Variants in KRT15 observed in about 807,000 individuals in gnomAD.
The protein encoded by KRT15 is keratin 15.
Under a neutral mutation model 46.6 loss-of-function variants are expected in KRT15, and 45 were observed. The ratio of observed to expected loss-of-function variants is 0.97; its 90% CI spans 0.76 to 1.24. KRT15 has a LOEUF of 1.24. KRT15 is among the 50% of genes most tolerant of loss of function. KRT15 has a pLI of 0.00. For synonymous variants in KRT15, 221 were observed against 233.8 expected, an observed-to-expected ratio of 0.95 and a Z score of 0.50; for missense variants, 592 against 588.9, an observed-to-expected ratio of 1.01 and a Z score of -0.05.
chr17:41,515,414 C>A (rs1380762298), intron 6 of KRT15, 58 bp downstream of exon 6: 11 of 1,480,542 alleles, frequency 7.4e-6, no homozygotes, highest in Non-Finnish European at 1.0e-5. Context: ...TTAGGATGAC[C>A]CTGCACCCTA....
Position 41,514,129 on chromosome 17 carries a change from A to T in KRT15, c.1274-9T>A. On this transcript the variant is annotated splice_polypyrimidine_tract_variant and intron_variant, in intron 7 of 7. Coordinates refer to ENST00000254043, the MANE Select transcript of KRT15 (RefSeq NM_002275.4). ...ACCACCTCCTGAAGAGGCTAGAGAG[A>T]GAAGGAGTAGGCTTTAGAGTGGGGG... is the stretch of plus-strand genomic sequence containing the variant. 1 of 1,609,686 alleles carries T rather than the reference A, an allele frequency of 6.2e-7. No individual in the cohort carries two copies. Among genetic ancestry groups the T allele is most frequent in the Non-Finnish European group, 8.5e-7 (1 of 1,175,984 alleles).
intron 1 of KRT15, among the ~76,000 whole-genome samples, chr17:41,517,942 C>T (rs1391956579): frequency 1.3e-5 from 2 of 151,972 alleles, no homozygotes; most frequent in Non-Finnish European, 2.9e-5. Context: ...TCACCTAGGC[C>T]GGAGTGCAGT....
In KRT15 at chr17:41,518,556, C is replaced by A; in HGVS notation, c.272G>T (p.Gly91Val). The A allele has an allele frequency of 6.2e-7, 1 of 1,614,070 alleles. No individual in the cohort carries two copies. Among genetic ancestry groups the A allele is most frequent in the South Asian group, 1.1e-5 (1 of 91,070 alleles). Residue 91 changes from glycine to valine, a missense_variant, in exon 1 of 8, where the codon GGT (glycine) becomes GTT (valine). By Grantham distance (109) the Gly-to-Val change is moderately radical. Coordinates refer to ENST00000254043, the MANE Select transcript of KRT15 (RefSeq NM_002275.4). Reference protein sequence around the residue: ...FGGGVGGGFGGGFGGGDGGLL... With the variant: ...FGGGVGGGFGVGFGGGDGGLL... ...ACCACCATCGCCACCACCAAAGCCA[C>A]CACCAAAACCCCCACCAACGCCCCC...
rs376490771 is a variant in KRT15, at chr17:41,516,030, G to A, written c.901-20C>T. 203 of 1,614,220 alleles carry A rather than the reference G, an allele frequency of 1.3e-4. 2 individuals carry two copies. In the South Asian group the frequency reaches 1.9e-3, roughly 15 times the overall value. ...CTCAGTCTGTAGGTCATGCACAACAGAAGTGAGCCCCGGGGCCTCCTCGGA... is the reference window on the plus strand; with the variant it reads ...CTCAGTCTGTAGGTCATGCACAACAAAAGTGAGCCCCGGGGCCTCCTCGGA... On this transcript the variant is annotated intron_variant, in intron 4 of 7. Transcript: ENST00000254043.
chr17:41,516,262 TCTC>T lies in KRT15; in HGVS notation c.739_741del (p.Glu247del), dbSNP rs1567718543. 11 of 1,612,504 alleles carry T rather than the reference TCTC, an allele frequency of 6.8e-6. No individual in the cohort carries two copies. The South Asian group carries it at 7.7e-5, about 11-fold the overall frequency. On this transcript the variant is annotated inframe_deletion and splice_region_variant, in exon 4 of 8. Transcript: ENST00000254043. ...GCCAGCTGGCTGCTGAACTCCTTCA[TCTC>T]CTGCAGGATGGGAGGGACCCACTTA...
Position 41,513,747 on chromosome 17 carries a change from T to G in KRT15, c.*276A>C. ...AAACTGGACATACTGCCAAGAGATA[T>G]TTGCAAAAGGAAAAGTAATTCTTTA... is the stretch of plus-strand genomic sequence containing the variant. On this transcript the variant is annotated 3_prime_UTR_variant, in exon 8 of 8. Coordinates refer to ENST00000254043, the MANE Select transcript of KRT15 (RefSeq NM_002275.4). The G allele has an allele frequency of 3.0e-6, 1 of 331,942 alleles. No individual in the cohort carries two copies. Among genetic ancestry groups the G allele is most frequent in the Non-Finnish European group, 5.7e-6 (1 of 174,214 alleles). 20.6% of individuals were successfully genotyped at this position (331,942 alleles called of 1,614,324 possible). A position where few individuals can be genotyped will look rare whatever the true frequency, so the allele number is the denominator to read the frequency against.
intron 7 of KRT15, chr17:41,514,412 G>A: frequency 5.0e-6 from 3 of 598,742 alleles, no homozygotes; most frequent in Non-Finnish European, 8.9e-6. Context: ...GGGGCCTGGG[G>A]GAGAGACATG....
rs897610668 is a variant in KRT15, at chr17:41,517,145, G to T, written c.519C>A (p.Asp173Glu). 3 of 1,614,048 alleles carry T rather than the reference G, an allele frequency of 1.9e-6. No homozygotes were observed. The highest frequency in any genetic ancestry group is 1.3e-5 in the African/African-American group (1 of 74,922). ...LRDKIMATTI[D>E]NSRVILEIDN... ...CGATCTCCAGGATGACCCGGGAGTT[G>T]TCGATGGTGGTGGCCATGATCTGCA... Residue 173 changes from aspartate to glutamate, a missense_variant, in exon 2 of 8, where the codon GAC becomes GAA. By Grantham distance (45) the Asp-to-Glu change is conservative. Transcript: ENST00000254043.
chr17:41,515,620 G>A lies in KRT15; in HGVS notation c.1099C>T (p.Leu367Phe). The A allele has an allele frequency of 6.2e-7, 1 of 1,614,194 alleles. No individual in the cohort carries two copies. Among genetic ancestry groups the A allele is most frequent in the Non-Finnish European group, 8.5e-7 (1 of 1,180,032 alleles). Reference sequence around the variant, plus strand: ...AGCTGGGCCTCCAGGCCACCAATGAGCCCCTGGATCTGCTGCAGCTGCGTG... The same window carrying A: ...AGCTGGGCCTCCAGGCCACCAATGAACCCCTGGATCTGCTGCAGCTGCGTG... Reference protein sequence around the residue: ...YATQLQQIQGLIGGLEAQLSE... With the variant: ...YATQLQQIQGFIGGLEAQLSE... The change falls in exon 6 of 8, where the codon CTC (leucine) becomes TTC (phenylalanine). Residue 367 changes from leucine (L) to phenylalanine (F), a missense_variant. Leu to Phe is a conservative substitution (Grantham distance 22). Coordinates refer to ENST00000254043, the MANE Select transcript of KRT15 (RefSeq NM_002275.4).
chr17:41,515,921 C>T lies in KRT15; in HGVS notation c.990G>A (p.Gln330=). The change falls in exon 5 of 8, where the codon CAG becomes CAA. Residue 330 remains glutamine (Q), a synonymous_variant. Transcript: ENST00000254043. ...TEITDLRRTM[Q]ELEIELQSQL... ...GGGACTGCAGCTCGATCTCCAGCTC[C>T]TGCATCGTGCGTCTCAGGTCTGTGA... 1.2e-6 allele frequency: 2 copies of T among 1,614,166 alleles called. No homozygotes were observed. Among genetic ancestry groups the T allele is most frequent in the South Asian group, 1.1e-5 (1 of 91,072 alleles).
At chr17:41,514,242 C>T (rs1777701058) in intron 7 of KRT15, 122 bp from the exon 8 acceptor site, 1 of 728,888 alleles carries the variant, frequency 1.4e-6, no homozygotes, top group Non-Finnish European at 2.4e-6. Flanking sequence ...ACTGGCCAAT[C>T]CCTCAAGAGC....
At chr17:41,514,573 C>T (rs1380277001) in intron 7 of KRT15, 76 bp downstream of exon 7, 3 of 1,396,814 alleles carry the variant, frequency 2.1e-6, no homozygotes, top group Admixed American at 1.7e-5. Context: ...TTTCTCCTTC[C>T]TCCCTATTCC....
At chr17:41,514,912 G>C in intron 6 of KRT15, 1 of 463,494 alleles carries the variant, frequency 2.2e-6, no homozygotes, top group Non-Finnish European at 3.9e-6. Context: ...TGTCGCCCAG[G>C]CTGGAGTGCA....
chr17:41,516,080 G>C, intron 4 of KRT15, 24 bp downstream of exon 4: 3 of 1,614,154 alleles, frequency 1.9e-6, no homozygotes, highest in Middle Eastern at 1.6e-4. Flanking sequence ...GGGCAGGAAG[G>C]GCAGGGCAGG....
Position 41,516,382 on chromosome 17 carries a change from T to C in KRT15, c.739-117A>G, listed in dbSNP as rs1402292781. 4.5e-6 allele frequency: 5 copies of C among 1,117,234 alleles called. No individual in the cohort carries two copies. In the African/African-American group the frequency reaches 6.2e-5, roughly 14 times the overall value. The allele number at this position is 1,117,234 out of a possible 1,614,324, so 69.2% of individuals were successfully genotyped here. On this transcript the variant is annotated intron_variant, in intron 3 of 7. Coordinates refer to ENST00000254043, the MANE Select transcript of KRT15 (RefSeq NM_002275.4). ...AACACACCCCAACCGCTGTTCCCCA[T>C]TGCACATGAAGAGGTTTGGTCACAT...
chr17:41,514,750 C>A, intron 6 of KRT15, 76 bp from the exon 7 acceptor site: 1 of 1,498,386 alleles, frequency 6.7e-7, no homozygotes, highest in South Asian at 1.2e-5. Context: ...ATGTAGATAG[C>A]TATGCAGTGT....
chr17:41,514,243 C>T, intron 7 of KRT15, 123 bp from the exon 8 acceptor site: 1 of 728,902 alleles, frequency 1.4e-6, no homozygotes, highest in Non-Finnish European at 2.4e-6. Flanking sequence ...CTGGCCAATC[C>T]CTCAAGAGCT....
intron 5 of KRT15, 89 bp from the exon 6 acceptor site, chr17:41,515,781 G>T (rs1905329801): frequency 1.0e-5 from 16 of 1,599,830 alleles, no homozygotes; most frequent in Non-Finnish European, 1.4e-5. Context: ...GGAGTTCAGG[G>T]AACCACCTCT....
chr17:41,518,296 C>T (rs367587668), intron 1 of KRT15, 34 bp downstream of exon 1: 10 of 1,590,210 alleles, frequency 6.3e-6, no homozygotes, highest in East Asian at 4.5e-5. Flanking sequence ...GTACCAGCCA[C>T]CTGCTCCCCT....
Sources: allele counts gnomAD v4.1 joint callset (sites outside exome capture counted in the v4.1 genomes callset), GRCh38; gene constraint gnomAD v4.1.1; transcripts MANE v1.5; gene names NCBI Gene and HGNC (gene_info 2026-07-23, HGNC 2026-07-21).